Variants in SNORC observed in about 807,000 individuals in gnomAD.
SNORC encodes secondary ossification center associated regulator of chondrocyte maturation, also known as protein SNORC.
SNORC carries 11 observed loss-of-function variants against 9.7 expected under a neutral mutation model. The observed-to-expected ratio is 1.14, with a 90% confidence interval of 0.72 to 1.88. The LOEUF (loss-of-function observed/expected upper bound fraction) is 1.88, where lower values mean the gene tolerates loss of function less well. Ranked by LOEUF, SNORC falls within the 40% of genes most tolerant of loss-of-function variation. The pLI is 0.00. For missense variants in SNORC, 197 were observed against 173.1 expected (o/e 1.14, Z -0.77); for synonymous variants, 108 against 88.7 (o/e 1.22, Z -1.22).
downstream of SNORC, chr2:232,877,013 T>TC: frequency 1.6e-5 from 16 of 985,522 alleles, no homozygotes; most frequent in Non-Finnish European, 1.9e-5. Context: ...CCGTCGGCTC[T>TC]CCCAGCCAGA....
downstream of SNORC, chr2:232,876,885 C>T: frequency 1.9e-5 from 19 of 985,486 alleles, no homozygotes; most frequent in Non-Finnish European, 2.3e-5. This position sits in a 1 kb window ranked among gnomAD's most constrained non-coding sequence, Gnocchi z 6.8. Context: ...GCCTGCCTCC[C>T]ATCCCGCTCC....
intron 1 of SNORC, among the ~76,000 whole-genome samples, chr2:232,873,864 C>T (rs1417786549): frequency 1.3e-5 from 2 of 152,222 alleles, no homozygotes; most frequent in African/African-American, 4.8e-5. Context: ...TTGCGGGAGG[C>T]TAGAGAGACA....
chr2:232,873,909 G>A (rs990895031), intron 1 of SNORC, among the ~76,000 whole-genome samples: 39 of 152,346 alleles, frequency 2.6e-4, no homozygotes, highest in Middle Eastern at 6.8e-3. Flanking sequence ...CCCCTCGGGA[G>A]GGAAGCCTCC....
downstream of SNORC, chr2:232,876,511 G>C (rs1691253201): frequency 2.4e-6 from 3 of 1,249,042 alleles, no homozygotes; most frequent in Non-Finnish European, 2.0e-6. The surrounding 1 kb of genome is among the most constrained non-coding windows in gnomAD (Gnocchi z 6.8). Flanking sequence ...GGGGCCGAGG[G>C]TGGGTGCCGT....
At chr2:232,877,403 A>G, downstream of SNORC, 6 of 974,428 alleles carry the variant, frequency 6.2e-6, no homozygotes, top group Non-Finnish European at 7.3e-6. Context: ...GCACAGCAGG[A>G]AGTGGGAACT....
rs114362811 is a variant in SNORC at position 232,874,175 on chromosome 2, C to T, written c.74-1765C>T. 4.5e-3 allele frequency among the ~76,000 whole-genome samples: 685 copies of T among 152,364 alleles called. 8 individuals are homozygous for T. Among genetic ancestry groups the T allele is most frequent in the African/African-American group, 0.016 (665 of 41,586 alleles). On this transcript the variant is annotated intron_variant, in intron 1 of 2. Coordinates refer to ENST00000331342, the Ensembl canonical transcript of SNORC. Reference sequence around the variant, plus strand: ...GTTGCACAAATACTCCAATGAACTCCAGGAGTCCATCCACCTAGTCTTGCC... The same window carrying T: ...GTTGCACAAATACTCCAATGAACTCTAGGAGTCCATCCACCTAGTCTTGCC...
At chr2:232,877,116 C>G, downstream of SNORC, 1 of 985,970 alleles carries the variant, frequency 1.0e-6, no homozygotes, top group Non-Finnish European at 1.2e-6. Context: ...CCCCCCTCTG[C>G]CCAGGGAGCC....
chr2:232,877,114 T>A (rs1691290411), downstream of SNORC: 2 of 985,906 alleles, frequency 2.0e-6, no homozygotes, highest in African/African-American at 3.5e-5. Context: ...AGCCCCCCTC[T>A]GCCCAGGGAG....
chr2:232,868,952 AACTT>A (rs1690928085), upstream of SNORC: 1 of 152,208 alleles, frequency 6.6e-6, no homozygotes, highest in African/African-American at 2.4e-5. Context: ...GTATCTTACT[AACTT>A]GATACTAATT....
upstream of SNORC, among the ~76,000 whole-genome samples, chr2:232,866,780 C>T (rs529497605): frequency 3.3e-5 from 5 of 152,268 alleles, no homozygotes; most frequent in South Asian, 2.1e-4. Flanking sequence ...GTGGTGCGAT[C>T]TCAGCTCACT....
chr2:232,877,044 C>T, downstream of SNORC: 1 of 985,590 alleles, frequency 1.0e-6, no homozygotes, highest in Non-Finnish European at 1.2e-6. Context: ...TTTTGGGGGA[C>T]GTCTTGACTC....
At chr2:232,875,339 T>C (rs749218016) in intron 1 of SNORC, 50 of 206,350 alleles carry the variant, frequency 2.4e-4, no homozygotes, top group Middle Eastern at 4.8e-4. Context: ...AAGACTCTGT[T>C]TCAAAAAGAG....
intron 1 of SNORC, chr2:232,875,488 G>T: frequency 2.3e-6 from 1 of 430,390 alleles, no homozygotes; most frequent in Admixed American, 2.7e-5. Context: ...ATCCTGTCTG[G>T]TTGCCGGGGA....
chr2:232,871,831 T>C (rs1234521115), intron 1 of SNORC, among the ~76,000 whole-genome samples: 1 of 152,186 alleles, frequency 6.6e-6, no homozygotes, highest in Non-Finnish European at 1.5e-5. Flanking sequence ...TCCTGCCTGC[T>C]GGGCCTGGGC....
downstream of SNORC, chr2:232,877,010 C>T (rs1691283386): frequency 2.0e-6 from 2 of 985,550 alleles, no homozygotes; most frequent in Non-Finnish European, 1.2e-6. Context: ...GGGCCGTCGG[C>T]TCTCCCAGCC....
chr2:232,876,998 A>AG, downstream of SNORC: 1 of 985,532 alleles, frequency 1.0e-6, no homozygotes, highest in East Asian at 1.1e-4. The surrounding 1 kb of genome is among the most constrained non-coding windows in gnomAD (Gnocchi z 6.8). Context: ...TGGGGAGGGC[A>AG]GGGGCCGTCG....
downstream of SNORC, chr2:232,878,344 AAGTCCCAGCCCC>A (rs1177165488): frequency 6.4e-6 from 1 of 156,140 alleles, no homozygotes; most frequent in Non-Finnish European, 1.4e-5. Flanking sequence ...GCAGTGCAGG[AAGTCCCAGCCCC>A]ATGCCTGTGG....
At chr2:232,873,122 G>A (rs945059998) in intron 1 of SNORC, among the ~76,000 whole-genome samples, 4 of 152,234 alleles carry the variant, frequency 2.6e-5, no homozygotes, top group African/African-American at 9.6e-5. Context: ...CAGGCCAGAC[G>A]CAGCAGCTGA....
At chr2:232,870,458 G>T in intron 1 of SNORC, 44 bp downstream of exon 1, 1 of 1,530,080 alleles carries the variant, frequency 6.5e-7, no homozygotes, top group East Asian at 2.4e-5. Flanking sequence ...TAGCCTCCCA[G>T]GGCCGATAAC....
Sources: allele counts gnomAD v4.1 joint callset (sites outside exome capture counted in the v4.1 genomes callset), GRCh38; gene constraint gnomAD v4.1.1; non-coding constraint Gnocchi (gnomAD v3.1); transcripts MANE v1.5; gene names NCBI Gene and HGNC (gene_info 2026-07-23, HGNC 2026-07-21).